The following CDK14 variants were observed in gnomAD, a reference collection of about 807,000 sequenced individuals.
CDK14 encodes cyclin dependent kinase 14, also known as cyclin-dependent kinase 14.
In CDK14, 34 loss-of-function variants were observed where a neutral mutation model predicts 60.7. The observed-to-expected ratio is 0.56, with a 90% CI of 0.43 to 0.75. The LOEUF (loss-of-function observed/expected upper bound fraction) is 0.75. Ranked by LOEUF, CDK14 falls within the 30% of genes least tolerant of loss-of-function variation. The pLI is 0.00. For synonymous variants in CDK14, 197 were observed against 203.7 expected (o/e 0.97, Z 0.28); for missense variants, 482 against 564.1 (o/e 0.85, Z 1.47).
At chr7:90,964,578 A>G (rs1389522709) in intron 9 of CDK14, among the ~76,000 whole-genome samples, 1 of 152,102 alleles carries the variant, frequency 6.6e-6, no homozygotes, top group Non-Finnish European at 1.5e-5. Flanking sequence ...CTTTAATCCT[A>G]TTTACCAGAA....
At chr7:91,184,441 G>A (rs548982546) in intron 14 of CDK14, among the ~76,000 whole-genome samples, 2 of 152,256 alleles carry the variant, frequency 1.3e-5, no homozygotes, top group Non-Finnish European at 2.9e-5. Flanking sequence ...CACCTGAGGA[G>A]GACTAAGGAG....
intron 8 of CDK14, among the ~76,000 whole-genome samples, chr7:90,933,226 G>A (rs1209471195): frequency 1.3e-5 from 2 of 150,046 alleles, no homozygotes; most frequent in East Asian, 3.9e-4. Context: ...ACTGCAGTGA[G>A]CCATGATCTT....
chr7:90,856,149 AT>A lies in CDK14; in HGVS notation c.545-7022del, dbSNP rs144680232. Among the ~76,000 whole-genome samples, 1,102 of 152,288 alleles carry A rather than the reference AT, an allele frequency of 7.2e-3. 19 individuals carry two copies. The highest frequency in any genetic ancestry group is 0.026 in the African/African-American group (1,067 of 41,544). ...CCTAACCTGTTGTATTACCTTTCCA[AT>A]TTTGGATGACATCTGGTGAACAAAA... is the stretch of plus-strand genomic sequence containing the variant. On this transcript the variant is annotated intron_variant, in intron 5 of 14. Transcript: ENST00000380050.
intron 14 of CDK14, among the ~76,000 whole-genome samples, chr7:91,175,586 T>C (rs1801710736): frequency 6.6e-6 from 1 of 151,680 alleles, no homozygotes; most frequent in Admixed American, 6.6e-5. Flanking sequence ...GAGACACACA[T>C]AGGCTCAAAA....
At chr7:91,097,674 G>T (rs1346062206) in intron 12 of CDK14, among the ~76,000 whole-genome samples, 3 of 151,986 alleles carry the variant, frequency 2.0e-5, no homozygotes, top group Non-Finnish European at 4.4e-5. Flanking sequence ...GCGTGTAATG[G>T]GCTCTGCCTC....
chr7:90,963,121 G>GTGTGTGTGTGTGTGTT lies in CDK14; in HGVS notation c.947+7307_947+7308insGTGTGTGTGTGTTTGT, dbSNP rs1267435147. 3.7e-3 allele frequency among the ~76,000 whole-genome samples: 528 copies of GTGTGTGTGTGTGTGTT among 142,294 alleles called. 10 individuals carry two copies. The East Asian group carries it at 0.057, about 15-fold the overall frequency. 93.4% of individuals were successfully genotyped at this position (142,294 alleles called of 152,430 possible). On this transcript the variant is annotated intron_variant, in intron 9 of 14. Coordinates refer to ENST00000380050, the MANE Select transcript of CDK14 (RefSeq NM_001287135.2). Reference sequence around the variant, plus strand: ...TGTGTGTGTGTGTGTGTGTGTGTGTGTGTTTTAATTTAGAAATATATAGGC... The same window carrying GTGTGTGTGTGTGTGTT: ...TGTGTGTGTGTGTGTGTGTGTGTGTGTGTGTGTGTGTGTGTTTGTTTTAATTTAGAAATATATAGGC...
At chr7:90,667,237 A>C (rs1014434456) in intron 2 of CDK14, among the ~76,000 whole-genome samples, 1 of 152,180 alleles carries the variant, frequency 6.6e-6, no homozygotes. Context: ...GCACCTACCA[A>C]ATTATAGCAA....
chr7:91,049,786 G>A (rs1281969786), intron 11 of CDK14, among the ~76,000 whole-genome samples: 2 of 152,128 alleles, frequency 1.3e-5, no homozygotes, highest in Admixed American at 6.5e-5. Context: ...CCACTTATAT[G>A]TCTAGGGACT....
chr7:90,780,532 G>T (rs1311704171), intron 4 of CDK14, among the ~76,000 whole-genome samples: 5 of 148,454 alleles, frequency 3.4e-5, no homozygotes, highest in Non-Finnish European at 7.5e-5. Flanking sequence ...CCATTAACTC[G>T]TCATTTAGTA....
chr7:90,659,678 C>A (rs966853058), intron 2 of CDK14, among the ~76,000 whole-genome samples: 1 of 152,010 alleles, frequency 6.6e-6, no homozygotes, highest in Non-Finnish European at 1.5e-5. Flanking sequence ...CCTGATTTCC[C>A]CTGTTTTGTC....
chr7:90,760,016 G>T (rs1010266505), intron 4 of CDK14, among the ~76,000 whole-genome samples: 2 of 152,150 alleles, frequency 1.3e-5, no homozygotes, highest in African/African-American at 4.8e-5. Flanking sequence ...GAAGGAATTT[G>T]CTCACTTTAT....
chr7:90,799,649 C>T (rs1034859887), intron 5 of CDK14, among the ~76,000 whole-genome samples: 2 of 142,008 alleles, frequency 1.4e-5, no homozygotes, highest in African/African-American at 5.4e-5. Flanking sequence ...AAGATCGCGC[C>T]ACTGCGCTCC....
intron 2 of CDK14, among the ~76,000 whole-genome samples, chr7:90,698,067 CAAAAAAAAA>C (rs71104484): frequency 2.6e-5 from 2 of 75,744 alleles, no homozygotes; most frequent in African/African-American, 5.6e-5. Flanking sequence ...GACTCTGTCT[CAAAAAAAAA>C]AAAAAAAAAA....
chr7:90,639,381 G>A (rs1406636996), intron 2 of CDK14, among the ~76,000 whole-genome samples: 1 of 152,044 alleles, frequency 6.6e-6, no homozygotes, highest in Non-Finnish European at 1.5e-5. Flanking sequence ...GTTGGAGTTT[G>A]CTAGAGGTCC....
intron 10 of CDK14, among the ~76,000 whole-genome samples, chr7:91,021,857 T>C (rs1796441431): frequency 6.6e-6 from 1 of 152,218 alleles, no homozygotes; most frequent in Non-Finnish European, 1.5e-5. Context: ...AATGATGCCA[T>C]TGGATTGTAA....
Position 90,917,990 on chromosome 7 carries a change from G to A in CDK14, c.826+266G>A, listed in dbSNP as rs185495074. Among the ~76,000 whole-genome samples, 7 of 152,046 alleles carry A rather than the reference G, an allele frequency of 4.6e-5. No individual in the cohort carries two copies. The East Asian group carries it at 1.4e-3, about 29-fold the overall frequency. ...GGTAATATATATTTCCAAAGGAAAAGTCAGTAAAATTTTGAACATAAAATA... is the reference window on the plus strand; with the variant it reads ...GGTAATATATATTTCCAAAGGAAAAATCAGTAAAATTTTGAACATAAAATA... On this transcript the variant is annotated intron_variant, in intron 8 of 14. Transcript: ENST00000380050.
intron 4 of CDK14, among the ~76,000 whole-genome samples, chr7:90,749,639 C>T (rs1364335536): frequency 1.3e-5 from 2 of 152,236 alleles, no homozygotes; most frequent in Non-Finnish European, 2.9e-5. Flanking sequence ...AGGTTCCTCT[C>T]TCCTCCATGC....
At chr7:90,695,643 G>A (rs1801640706) in intron 2 of CDK14, among the ~76,000 whole-genome samples, 1 of 152,152 alleles carries the variant, frequency 6.6e-6, no homozygotes, top group Non-Finnish European at 1.5e-5. Context: ...ACGGATGGGA[G>A]GTGGGTGTTG....
chr7:90,736,909 A>T (rs1034573742), intron 3 of CDK14, among the ~76,000 whole-genome samples: 5 of 152,256 alleles, frequency 3.3e-5, no homozygotes, highest in African/African-American at 7.2e-5. Flanking sequence ...CTCAGTGGCC[A>T]TCATGCTAAT....
Sources: allele counts gnomAD v4.1 joint callset (sites outside exome capture counted in the v4.1 genomes callset), GRCh38; gene constraint gnomAD v4.1.1; transcripts MANE v1.5; gene names NCBI Gene and HGNC (gene_info 2026-07-23, HGNC 2026-07-21).